The following ANK2 variants were observed in gnomAD, a reference collection of about 807,000 sequenced individuals.
The protein encoded by ANK2 is ankyrin 2.
In ANK2, 83 loss-of-function variants were observed where a neutral mutation model predicts 360.5. The observed-to-expected ratio is 0.23, with a 90% confidence interval of 0.19 to 0.28. The LOEUF (loss-of-function observed/expected upper bound fraction) is 0.28. Among genes scored for constraint, ANK2 ranks in the 10% least tolerant of loss-of-function variants. The pLI is 1.00. For missense variants in ANK2, 4,201 were observed against 4,795.7 expected, an observed-to-expected ratio of 0.88 and a Z score of 3.66; for synonymous variants, 1,740 against 1,759.5, an observed-to-expected ratio of 0.99 and a Z score of 0.28.
rs767293867 is a variant in ANK2, at chr4:113,354,386, A to G, written c.5768A>G (p.Glu1923Gly). 1.2e-6 allele frequency: 2 copies of G among 1,614,046 alleles called. No homozygotes were observed. Among genetic ancestry groups the G allele is most frequent in the South Asian group, 1.1e-5 (1 of 91,066 alleles). Residue 1923 changes from glutamate to glycine, a missense_variant, in exon 38 of 46, where the codon GAA becomes GGA. By Grantham distance (98) the Glu-to-Gly change is moderately conservative (BLOSUM62 -2). Coordinates refer to ENST00000357077, the MANE Select transcript of ANK2 (RefSeq NM_001148.6). ...RPPVSPSGRT[E>G]KHPPVSPGRT... ...CCTGTATCGCCCTCCGGGAGGACAG[A>G]AAAACACCCGCCAGTATCGCCTGGG...
At chr4:112,917,085 C>T (rs1436719469) in intron 2 of ANK2, among the ~76,000 whole-genome samples, 2 of 152,150 alleles carry the variant, frequency 1.3e-5, no homozygotes, top group Non-Finnish European at 1.5e-5. Context: ...ATGCAAATTC[C>T]AGAGCAGCAA....
intron 2 of ANK2, among the ~76,000 whole-genome samples, chr4:112,989,012 T>G (rs1222375791): frequency 6.6e-6 from 1 of 152,232 alleles, no homozygotes; most frequent in East Asian, 1.9e-4. Flanking sequence ...TGCTTTAATT[T>G]TGTGTAGATA....
chr4:112,994,544 C>A (rs1169014144), intron 2 of ANK2, among the ~76,000 whole-genome samples: 2 of 152,180 alleles, frequency 1.3e-5, no homozygotes, highest in Non-Finnish European at 1.5e-5. Context: ...TTTTATGAGA[C>A]AATCTCCAGT....
Position 113,354,697 on chromosome 4 carries a change from G to T in ANK2, c.6079G>T (p.Val2027Phe). ...KQKQPQEKGK[V>F]RVEKEKGPIL... ...AAAGCAGCCACAAGAGAAAGGTAAA[G>T]TTCGGGTAGAAAAAGAAAAGGGGCC... Residue 2027 changes from valine (V) to phenylalanine (F), a missense_variant, in exon 38 of 46, where the codon GTT becomes TTT. Physicochemically the swap from Val to Phe is conservative, Grantham distance 50 (BLOSUM62 -1). Around this residue, in one of 4 missense-constraint regions of ANK2, gnomAD observed 2,642 missense variants for 2,714.5 expected, o/e 0.97. Coordinates refer to ENST00000357077, the MANE Select transcript of ANK2 (RefSeq NM_001148.6). The T allele has an allele frequency of 6.2e-7, 1 of 1,614,014 alleles. No homozygotes were observed. Among genetic ancestry groups the T allele is most frequent in the East Asian group, 2.2e-5 (1 of 44,860 alleles).
At chr4:112,792,783 T>C in the ANK2 span, among the ~76,000 whole-genome samples, 1 of 152,174 alleles carries the variant, frequency 6.6e-6, no homozygotes, top group Non-Finnish European at 1.5e-5. Flanking sequence ...TTTAGAAACA[T>C]GGAGAAACAT....
At chr4:113,346,214 T>G (rs984758667) in intron 35 of ANK2, among the ~76,000 whole-genome samples, 192 bp downstream of exon 35, 1 of 152,202 alleles carries the variant, frequency 6.6e-6, no homozygotes, top group African/African-American at 2.4e-5. Flanking sequence ...GATTTACGAT[T>G]TCCACTTAAG....
At chr4:113,254,551 A>T (rs923403525) in intron 10 of ANK2, among the ~76,000 whole-genome samples, 2 of 152,232 alleles carry the variant, frequency 1.3e-5, no homozygotes, top group Non-Finnish European at 2.9e-5. Context: ...CTCAATGCAT[A>T]AATACTTCTC....
the ANK2 span, among the ~76,000 whole-genome samples, chr4:112,735,499 C>A: frequency 6.6e-6 from 1 of 152,130 alleles, no homozygotes; most frequent in South Asian, 2.1e-4. Context: ...ATCTCTTCAT[C>A]TTCCTGTCTC....
At chr4:113,283,892 G>C (rs1260493876) in intron 18 of ANK2, among the ~76,000 whole-genome samples, 1 of 152,172 alleles carries the variant, frequency 6.6e-6, no homozygotes, top group Non-Finnish European at 1.5e-5. Flanking sequence ...TCAGTGATAA[G>C]TTGGTCTTAA....
intron 1 of ANK2, among the ~76,000 whole-genome samples, chr4:112,835,751 A>G (rs1433062459): frequency 6.6e-6 from 1 of 152,220 alleles, no homozygotes; most frequent in Non-Finnish European, 1.5e-5. Context: ...GCATAGAGTA[A>G]GTGCTCATTA....
intron 1 of ANK2, among the ~76,000 whole-genome samples, chr4:112,866,567 C>T (rs1043074833): frequency 1.3e-5 from 2 of 152,110 alleles, no homozygotes; most frequent in African/African-American, 4.8e-5. Context: ...AAAACATTAA[C>T]AAACCACAAA....
rs116980617 is a variant in ANK2 at position 113,362,414 on chromosome 4, G to A, written c.10757-924G>A. On this transcript the variant is annotated intron_variant, in intron 39 of 45. Coordinates refer to ENST00000357077, the MANE Select transcript of ANK2 (RefSeq NM_001148.6). The stretch of plus-strand genomic sequence containing the variant: ...CCCCATAATGTATAAGCATCCATAT[G>A]TAATGGTTTTTTGTTTGTTATTTTG... 8.5e-5 allele frequency among the ~76,000 whole-genome samples: 13 copies of A among 152,128 alleles called. No homozygotes were observed. In the East Asian group the frequency reaches 2.3e-3, roughly 27 times the overall value.
rs142724408 is a variant in ANK2 at position 112,889,286 on chromosome 4, T to G, written c.-39-15169T>G. Among the ~76,000 whole-genome samples the G allele has an allele frequency of 2.4e-3, 363 of 152,152 alleles. 4 individuals are homozygous for G. The highest frequency in any genetic ancestry group is 0.02 in the Admixed American group (308 of 15,284). ...CTCTTGGTGTGCTTACCATTCATCT[T>G]TTCTTTTATGGGAGATATTGCCCTT... On this transcript the variant is annotated intron_variant, in intron 1 of 30. Coordinates refer to the ANK2 transcript ENST00000503271.
intron 1 of ANK2, among the ~76,000 whole-genome samples, chr4:113,100,421 G>A (rs1207092847): frequency 6.6e-6 from 1 of 152,086 alleles, no homozygotes; most frequent in African/African-American, 2.4e-5. Flanking sequence ...AAAACAAGAT[G>A]TTGTTTTACA....
chr4:113,287,551 A>G, intron 18 of ANK2, 54 bp from the exon 19 acceptor site: 1 of 1,254,010 alleles, frequency 8.0e-7, no homozygotes, highest in African/African-American at 1.5e-5. Context: ...ATTATAGATG[A>G]TGCAATGTAT....
At chr4:113,207,771 C>T (rs1031502145) in intron 4 of ANK2, among the ~76,000 whole-genome samples, 15 of 151,596 alleles carry the variant, frequency 9.9e-5, no homozygotes, top group Admixed American at 3.3e-4. Context: ...TAATAATTCA[C>T]GCACTCACTC....
chr4:112,777,167 A>C, the ANK2 span, among the ~76,000 whole-genome samples: 2 of 152,188 alleles, frequency 1.3e-5, no homozygotes, highest in African/African-American at 4.8e-5. Context: ...CTGATGGGCA[A>C]TATACGTATG....
At chr4:113,300,831 G>C (rs2074573295) in intron 22 of ANK2, among the ~76,000 whole-genome samples, 1 of 152,100 alleles carries the variant, frequency 6.6e-6, no homozygotes, top group South Asian at 2.1e-4. Flanking sequence ...TGAATCACAG[G>C]GCTCTTCTGA....
chr4:112,895,564 T>A (rs930333847), intron 1 of ANK2, among the ~76,000 whole-genome samples: 23 of 152,176 alleles, frequency 1.5e-4, no homozygotes, highest in African/African-American at 5.3e-4. Flanking sequence ...AGATTTTTTT[T>A]AATGCTCCAC....
Sources: gnomAD v4.1 joint callset for allele counts (sites outside exome capture counted in the v4.1 genomes callset) on GRCh38, gnomAD v4.1.1 for gene constraint, gnomAD v4.1.1 regional missense constraint, MANE v1.5 for transcripts, NCBI Gene and HGNC (gene_info 2026-07-23, HGNC 2026-07-21) for gene names.